The following SYNPR variants were observed in gnomAD, a reference collection of about 807,000 sequenced individuals.
SYNPR encodes the protein synaptoporin.
A neutral mutation model predicts 32.9 loss-of-function variants in SYNPR; 23 were observed. The ratio of observed to expected loss-of-function variants is 0.70; its 90% confidence interval spans 0.50 to 0.99. SYNPR has a LOEUF of 0.99. Among genes scored for constraint, SYNPR ranks in the 50% least tolerant of loss-of-function variants. The probability of loss-of-function intolerance (pLI) is 0.00; values close to 1 mark genes in which losing one functional copy is unlikely to be tolerated. For synonymous variants in SYNPR, 146 were observed against 135.9 expected, an observed-to-expected ratio of 1.07 and a Z score of -0.52; for missense variants, 318 against 349.3, an observed-to-expected ratio of 0.91 and a Z score of 0.71.
At chr3:63,558,844 A>C (rs1230384977) in intron 4 of SYNPR, among the ~76,000 whole-genome samples, 1 of 150,326 alleles carries the variant, frequency 6.7e-6, no homozygotes, top group Non-Finnish European at 1.5e-5. Flanking sequence ...AATTAATAAT[A>C]TGCTTTCCAG....
At chr3:63,334,205 G>C (rs1167591919) in intron 2 of SYNPR, among the ~76,000 whole-genome samples, 1 of 152,164 alleles carries the variant, frequency 6.6e-6, no homozygotes, top group Non-Finnish European at 1.5e-5. Flanking sequence ...AAAGCCTAGT[G>C]CAGGCAGGAA....
intron 2 of SYNPR, among the ~76,000 whole-genome samples, chr3:63,460,839 G>A (rs978718368): frequency 3.9e-5 from 6 of 152,070 alleles, no homozygotes; most frequent in South Asian, 2.1e-4. Flanking sequence ...GGATATAGAT[G>A]TTTGGGGGCA....
At chr3:63,468,964 G>T (rs1700742319) in intron 2 of SYNPR, among the ~76,000 whole-genome samples, 1 of 152,050 alleles carries the variant, frequency 6.6e-6, no homozygotes, top group Admixed American at 6.5e-5. Flanking sequence ...CTAGTGAAAA[G>T]GCATTAATTG....
intron 2 of SYNPR, among the ~76,000 whole-genome samples, chr3:63,299,881 A>G (rs570915337): frequency 9.2e-5 from 14 of 152,260 alleles, no homozygotes; most frequent in Middle Eastern, 3.4e-3. Context: ...GTATCTCTAT[A>G]GGTGGTGACA....
In SYNPR at chr3:63,344,258, T is replaced by A. The variant is rs192196307; in HGVS notation, c.84+65516T>A. 2.6e-3 allele frequency among the ~76,000 whole-genome samples: 396 copies of A among 152,262 alleles called. 3 individuals carry two copies. Among genetic ancestry groups the A allele is most frequent in the African/African-American group, 9.0e-3 (375 of 41,562 alleles). On this transcript the variant is annotated intron_variant, in intron 2 of 5. Coordinates refer to ENST00000478300, the MANE Select transcript of SYNPR (RefSeq NM_001130003.2). ...CCCTTTACAAACAGAATACACAGTT[T>A]TCCATTTGACCCAGTTGTCTGCTGC...
intron 2 of SYNPR, among the ~76,000 whole-genome samples, chr3:63,358,303 A>C (rs2087611235): frequency 6.6e-6 from 1 of 152,232 alleles, no homozygotes; most frequent in Non-Finnish European, 1.5e-5. Context: ...ACTCTAAGGG[A>C]GAATCTATTT....
At chr3:63,597,489 T>C (rs1699978663) in intron 4 of SYNPR, among the ~76,000 whole-genome samples, 1 of 152,260 alleles carries the variant, frequency 6.6e-6, no homozygotes, top group African/African-American at 2.4e-5. Flanking sequence ...GAAAATGGTG[T>C]AGCACCCAAC....
At chr3:63,440,623 A>G (rs1211645574) in intron 2 of SYNPR, among the ~76,000 whole-genome samples, 1 of 152,190 alleles carries the variant, frequency 6.6e-6, no homozygotes, top group African/African-American at 2.4e-5. Flanking sequence ...AGCTAACCCA[A>G]CCAGCAGATT....
intron 2 of SYNPR, among the ~76,000 whole-genome samples, chr3:63,288,038 T>C (rs2086702636): frequency 6.6e-6 from 1 of 152,216 alleles, no homozygotes; most frequent in Non-Finnish European, 1.5e-5. Flanking sequence ...TCCCTTTCTG[T>C]TTCCCATTTA....
chr3:63,316,600 G>A (rs1010032946), intron 2 of SYNPR, among the ~76,000 whole-genome samples: 1 of 151,718 alleles, frequency 6.6e-6, no homozygotes, highest in African/African-American at 2.4e-5. Context: ...TCATTTCTTA[G>A]TGAGGTTATT....
intron 2 of SYNPR, among the ~76,000 whole-genome samples, chr3:63,418,014 T>C (rs1483951282): frequency 6.6e-6 from 1 of 152,258 alleles, no homozygotes; most frequent in Non-Finnish European, 1.5e-5. Context: ...CTTGAATTTC[T>C]ACTCAGAAAA....
At chr3:63,452,909 C>T (rs1700405605) in intron 2 of SYNPR, among the ~76,000 whole-genome samples, 1 of 152,062 alleles carries the variant, frequency 6.6e-6, no homozygotes, top group Admixed American at 6.6e-5. Flanking sequence ...ATTAGAGCCA[C>T]AATAATCGTT....
chr3:63,584,838 G>A (rs1266607621), intron 4 of SYNPR, among the ~76,000 whole-genome samples: 1 of 152,086 alleles, frequency 6.6e-6, no homozygotes, highest in Non-Finnish European at 1.5e-5. Context: ...TATTTATGGA[G>A]GAGGTTTCCT....
intron 2 of SYNPR, among the ~76,000 whole-genome samples, chr3:63,305,405 G>A (rs1438028928): frequency 6.6e-6 from 1 of 152,022 alleles, no homozygotes; most frequent in African/African-American, 2.4e-5. Flanking sequence ...TTACCCAGCA[G>A]TTGACAACCA....
the SYNPR span, among the ~76,000 whole-genome samples, chr3:63,219,637 T>C: frequency 6.6e-6 from 1 of 152,138 alleles, no homozygotes; most frequent in East Asian, 1.9e-4. Flanking sequence ...ATGTATGGTA[T>C]ATGGATTATA....
At chr3:63,379,315 T>C (rs939888980) in intron 2 of SYNPR, among the ~76,000 whole-genome samples, 1 of 152,174 alleles carries the variant, frequency 6.6e-6, no homozygotes, top group Admixed American at 6.6e-5. Context: ...AAGAGTTCCA[T>C]AATGTTGATT....
intron 4 of SYNPR, among the ~76,000 whole-genome samples, chr3:63,560,956 C>T (rs1702678518): frequency 1.3e-5 from 2 of 152,236 alleles, no homozygotes; most frequent in Middle Eastern, 3.4e-3. Context: ...TGGTTGCCAT[C>T]TATTTTTTGT....
chr3:63,262,658 CA>C (rs924287953), intron 2 of SYNPR, among the ~76,000 whole-genome samples: 2 of 152,114 alleles, frequency 1.3e-5, no homozygotes, highest in African/African-American at 2.4e-5. Context: ...GGGACCGTGC[CA>C]AAGCCCAGCC....
chr3:63,450,323 T>G (rs1344246207), intron 2 of SYNPR, among the ~76,000 whole-genome samples: 1 of 152,176 alleles, frequency 6.6e-6, no homozygotes, highest in East Asian at 1.9e-4. Context: ...GATAACACCT[T>G]CAAACTATCT....
Sources: allele counts gnomAD v4.1 joint callset (sites outside exome capture counted in the v4.1 genomes callset), GRCh38; gene constraint gnomAD v4.1.1; transcripts MANE v1.5; gene names NCBI Gene and HGNC (gene_info 2026-07-23, HGNC 2026-07-21).